Variants in MRPS33 observed in about 807,000 individuals in gnomAD.
MRPS33 encodes the protein small ribosomal subunit protein mS33.
Under a neutral mutation model 11.2 loss-of-function variants are expected in MRPS33, and 11 were observed. That is an observed-to-expected ratio of 0.99 (90% confidence interval 0.62 to 1.63). The LOEUF (loss-of-function observed/expected upper bound fraction) is 1.63, where lower values mean the gene tolerates loss of function less well. Among genes scored for constraint, MRPS33 ranks in the 40% most tolerant of loss-of-function variants. MRPS33 has a pLI of 0.00. For missense variants in MRPS33, 109 were observed against 127.8 expected (o/e 0.85, Z 0.71); for synonymous variants, 46 against 44.0 (o/e 1.05, Z -0.18).
At chr7:141,010,809 A>C in intron 1 of MRPS33, 149 bp from the exon 2 acceptor site, 1 of 641,386 alleles carries the variant, frequency 1.6e-6, no homozygotes, top group Non-Finnish European at 2.7e-6. Flanking sequence ...AAGTATCCAC[A>C]GTCCAAATGG....
rs1374371895 is a variant in MRPS33, at chr7:141,004,450, A to G, written c.*1980T>C. ...ATCTGGATTAGGTATCTTTAAAAAT[A>G]GCATTCATTTAAACATATGTACTGG... On this transcript the variant is annotated 3_prime_UTR_variant, in exon 3 of 3. Transcript: ENST00000324787. 1 of 152,256 alleles carries G rather than the reference A, an allele frequency of 6.6e-6. No individual in the cohort carries two copies. The highest frequency in any genetic ancestry group is 6.5e-5 in the Admixed American group (1 of 15,288). The allele number at this position is 152,256 out of a possible 1,614,324, so 9.4% of individuals were successfully genotyped here. A position where few individuals can be genotyped will look rare whatever the true frequency, so the allele number is the denominator to read the frequency against.
In MRPS33 at chr7:141,002,646, G is replaced by T; in HGVS notation, c.*3784C>A. The T allele has an allele frequency of 3.9e-6, 1 of 254,340 alleles. No homozygotes were observed. The highest frequency in any genetic ancestry group is 7.8e-6 in the Non-Finnish European group (1 of 127,616). The allele number at this position is 254,340 out of a possible 1,614,324, so 15.8% of individuals were successfully genotyped here. A position where few individuals can be genotyped will look rare whatever the true frequency, so the allele number is the denominator to read the frequency against. On this transcript the variant is annotated 3_prime_UTR_variant, in exon 3 of 3. Coordinates refer to ENST00000324787, the MANE Select transcript of MRPS33 (RefSeq NM_053035.3). ...TTTGATTTATTCTTTCTTGGAAAAT[G>T]ATTTATAAATACAAGCATTATGGTT...
Position 141,010,660 on chromosome 7 carries a change from C to T in MRPS33, c.-27G>A, listed in dbSNP as rs1450460724. The T allele has an allele frequency of 1.3e-6, 2 of 1,597,108 alleles. No homozygotes were observed. Among genetic ancestry groups the T allele is most frequent in the Admixed American group, 1.7e-5 (1 of 59,936 alleles). On this transcript the variant is annotated splice_region_variant and 5_prime_UTR_variant, in exon 2 of 3. Coordinates refer to ENST00000324787, the MANE Select transcript of MRPS33 (RefSeq NM_053035.3). ...TCTTGAGTGGCAAGGAGTTAGAGTT[C>T]CTATTGAAAATGAGAAGAAAGTTAA...
At chr7:141,014,444 C>T (rs1390673947) in intron 1 of MRPS33, 3 of 152,240 alleles carry the variant, frequency 2.0e-5, no homozygotes, top group African/African-American at 7.2e-5. Flanking sequence ...CTCCCTCCAC[C>T]TGACTCGATC....
intron 1 of MRPS33, among the ~76,000 whole-genome samples, chr7:141,013,622 G>A (rs1237471233): frequency 6.6e-6 from 1 of 152,110 alleles, no homozygotes; most frequent in Non-Finnish European, 1.5e-5. Context: ...ACCATTCTCG[G>A]GGAGTACAAG....
chr7:141,009,236 A>G (rs989078680), intron 2 of MRPS33, among the ~76,000 whole-genome samples: 3 of 151,336 alleles, frequency 2.0e-5, no homozygotes, highest in African/African-American at 7.3e-5. Flanking sequence ...GGTTCAAGCA[A>G]TTCTCTTGCC....
chr7:141,008,002 G>A lies in MRPS33; in HGVS notation c.216-1467C>T, dbSNP rs557317106. On this transcript the variant is annotated intron_variant, in intron 2 of 2. Coordinates refer to ENST00000324787, the MANE Select transcript of MRPS33 (RefSeq NM_053035.3). ...GCTTTCTGGCGACTCTGTCTCTGTT[G>A]ATGATACAAGCTAGGTACCTGGTTA... Among the ~76,000 whole-genome samples the A allele has an allele frequency of 5.3e-5, 8 of 152,224 alleles. No homozygotes were observed. In the South Asian group the frequency reaches 1.7e-3, roughly 32 times the overall value.
intron 1 of MRPS33, among the ~76,000 whole-genome samples, chr7:141,013,061 GA>G (rs1028182526): frequency 1.7e-3 from 222 of 128,514 alleles, no homozygotes; most frequent in Middle Eastern, 4.2e-3. Flanking sequence ...TCATGTTTAA[GA>G]AAAAAAAAAA....
rs751044034 is a variant in MRPS33, at chr7:141,010,550, G to C, written c.84C>G (p.Ser28=). 7.4e-6 allele frequency: 12 copies of C among 1,614,082 alleles called. No homozygotes were observed. In the South Asian group the frequency reaches 1.2e-4, roughly 16 times the overall value. ...ACAGTTTCACCACTTTCATAGACTT[G>C]GAATTAGTAGGCCTGGTGACTTCAC... ...LFGEVTRPTN[S]KSMKVVKLFS... The change falls in exon 2 of 3, where the codon TCC becomes TCG. Residue 28 remains serine, a synonymous_variant. Coordinates refer to ENST00000324787, the MANE Select transcript of MRPS33 (RefSeq NM_053035.3).
rs150362522 is a variant in MRPS33, at chr7:141,010,653, T to TAA, written c.-21_-20insTT. The TAA allele has an allele frequency of 2.5e-6, 4 of 1,603,182 alleles. No homozygotes were observed. Among genetic ancestry groups the TAA allele is most frequent in the African/African-American group, 2.7e-5 (2 of 74,766 alleles). Reference sequence around the variant, plus strand: ...GGACATTTCTTGAGTGGCAAGGAGTTAGAGTTCCTATTGAAAATGAGAAGA... The same window carrying TAA: ...GGACATTTCTTGAGTGGCAAGGAGTTAAAGAGTTCCTATTGAAAATGAGAAGA... On this transcript the variant is annotated 5_prime_UTR_variant, in exon 2 of 3. Coordinates refer to ENST00000324787, the MANE Select transcript of MRPS33 (RefSeq NM_053035.3).
intron 2 of MRPS33, among the ~76,000 whole-genome samples, chr7:141,009,059 C>CT (rs1476740413): frequency 1.3e-5 from 2 of 151,000 alleles, no homozygotes; most frequent in Non-Finnish European, 2.9e-5. Flanking sequence ...CCTCTCAAAG[C>CT]GCTGGGATTA....
At position 141,010,616 on chromosome 7, in the gene MRPS33, T is replaced by G. The variant is rs1327766904; in HGVS notation, c.18A>C (p.Glu6Asp). ...TGAGACGAGACATGCGGAAGGCATA[T>G]TCTGAAAGGGAGGACATTTCTTGAG... MSSLS[E>D]YAFRMSRLSA... The change falls in exon 2 of 3, where the codon GAA becomes GAC. Residue 6 changes from glutamate to aspartate, a missense_variant. Coordinates refer to ENST00000324787, the MANE Select transcript of MRPS33 (RefSeq NM_053035.3). The G allele has an allele frequency of 6.2e-7, 1 of 1,614,198 alleles. No individual in the cohort carries two copies. Among genetic ancestry groups the G allele is most frequent in the South Asian group, 1.1e-5 (1 of 91,082 alleles).
chr7:141,007,627 C>T (rs569609590), intron 2 of MRPS33, among the ~76,000 whole-genome samples: 1 of 152,330 alleles, frequency 6.6e-6, no homozygotes, highest in South Asian at 2.1e-4. Context: ...CTCCCGGTAC[C>T]TGCACGCCTC....
Position 141,010,457 on chromosome 7 carries a change from A to G in MRPS33, c.177T>C (p.Ala59=). 1.2e-6 allele frequency: 2 copies of G among 1,614,190 alleles called. No homozygotes were observed. The change falls in exon 2 of 3, where the codon GCT becomes GCC. Residue 59 remains alanine, a synonymous_variant. Transcript: ENST00000324787. The stretch of plus-strand genomic sequence containing the variant: ...GAAATCGGAGCGTCTGCATGAGTTC[A>G]GCGTAAGTGTGGTGATTTGGATACC... The part of the protein sequence containing the change: ...YDWYPNHHTY[A]ELMQTLRFLG...
chr7:141,011,853 C>T (rs948953280), intron 1 of MRPS33, among the ~76,000 whole-genome samples: 1 of 151,862 alleles, frequency 6.6e-6, no homozygotes, highest in Non-Finnish European at 1.5e-5. Context: ...TTTCAAGATC[C>T]ATTAACAGAG....
At chr7:141,010,370 T>G (rs371996739) in intron 2 of MRPS33, 49 bp downstream of exon 2, 87 of 1,571,404 alleles carry the variant, frequency 5.5e-5, no homozygotes, top group Admixed American at 5.2e-4. Context: ...CCTTTTCTGA[T>G]CTACTGAAAA....
chr7:141,010,690 G>C, intron 1 of MRPS33, 30 bp from the exon 2 acceptor site: 1 of 1,509,754 alleles, frequency 6.6e-7, no homozygotes, highest in Non-Finnish European at 9.2e-7. Flanking sequence ...AGTTAAACAG[G>C]TTAGGGTAAG....
At chr7:141,007,099 C>T (rs1463469924) in intron 2 of MRPS33, among the ~76,000 whole-genome samples, 1 of 152,080 alleles carries the variant, frequency 6.6e-6, no homozygotes, top group Non-Finnish European at 1.5e-5. Context: ...GCAGCCAGGA[C>T]TACGTAAGTA....
chr7:141,005,730 C>T lies in MRPS33; in HGVS notation c.*700G>A, dbSNP rs1056807861. 2 of 152,196 alleles carry T rather than the reference C, an allele frequency of 1.3e-5. No homozygotes were observed. The highest frequency in any genetic ancestry group is 4.8e-5 in the African/African-American group (2 of 41,434). The allele number at this position is 152,196 out of a possible 1,614,324, so 9.4% of individuals were successfully genotyped here. ...TCTGGCTATCTCTCTCTGCATTCAT[C>T]CATCCATCCATGCTCTTATAGAAGT... On this transcript the variant is annotated 3_prime_UTR_variant, in exon 3 of 3. Coordinates refer to ENST00000324787, the MANE Select transcript of MRPS33 (RefSeq NM_053035.3).
Sources: gnomAD v4.1 joint callset for allele counts (sites outside exome capture counted in the v4.1 genomes callset) on GRCh38, gnomAD v4.1.1 for gene constraint, MANE v1.5 for transcripts, NCBI Gene and HGNC (gene_info 2026-07-23, HGNC 2026-07-21) for gene names.